The following ST3GAL3 variants were observed in gnomAD, a reference collection of about 807,000 sequenced individuals.
ST3GAL3 encodes CMP-N-acetylneuraminate-beta-1,4-galactoside alpha-2,3-sialyltransferase.
Under a neutral mutation model 50.1 loss-of-function variants are expected in ST3GAL3, and 21 were observed. The ratio of observed to expected loss-of-function variants is 0.42; its 90% CI spans 0.30 to 0.60. ST3GAL3 has a LOEUF of 0.60. ST3GAL3 is among the 20% of genes least tolerant of loss of function. The pLI is 0.19. For synonymous variants in ST3GAL3, 183 were observed against 190.0 expected (o/e 0.96, Z 0.30); for missense variants, 353 against 489.4 (o/e 0.72, Z 2.63).
chr1:43,884,780 C>G (rs995691200), intron 5 of ST3GAL3, among the ~76,000 whole-genome samples: 1 of 152,176 alleles, frequency 6.6e-6, no homozygotes, highest in African/African-American at 2.4e-5. Flanking sequence ...GGAGAAGTGG[C>G]TAAAAGGCTG....
At chr1:43,884,479 G>A (rs995721484) in intron 5 of ST3GAL3, among the ~76,000 whole-genome samples, 3 of 152,144 alleles carry the variant, frequency 2.0e-5, no homozygotes, top group Non-Finnish European at 4.4e-5. Context: ...TCCTGTGCAT[G>A]GCCCTTTATG....
intron 4 of ST3GAL3, among the ~76,000 whole-genome samples, chr1:43,838,005 C>T (rs1352040337): frequency 6.8e-6 from 1 of 147,596 alleles, no homozygotes; most frequent in Admixed American, 6.8e-5. Flanking sequence ...ATCCCAGCCA[C>T]TCGGGAGGCT....
intron 1 of ST3GAL3, among the ~76,000 whole-genome samples, chr1:43,730,754 G>A (rs2154083645): frequency 6.6e-6 from 1 of 150,576 alleles, no homozygotes; most frequent in South Asian, 2.1e-4. Context: ...ATTTTTTTCT[G>A]GAGACAGGAT....
At chr1:43,844,039 G>A (rs937491940) in intron 5 of ST3GAL3, among the ~76,000 whole-genome samples, 1 of 152,200 alleles carries the variant, frequency 6.6e-6, no homozygotes, top group African/African-American at 2.4e-5. Context: ...AGAATTCAGG[G>A]AAACTTATGT....
At chr1:43,845,312 C>T (rs2066062150) in intron 5 of ST3GAL3, among the ~76,000 whole-genome samples, 1 of 151,530 alleles carries the variant, frequency 6.6e-6, no homozygotes, top group South Asian at 2.1e-4. Context: ...ATTATTATTA[C>T]AAATTAAATT....
intron 9 of ST3GAL3, among the ~76,000 whole-genome samples, chr1:43,904,864 CCT>C (rs2078942596): frequency 1.4e-5 from 2 of 139,846 alleles, no homozygotes; most frequent in African/African-American, 2.6e-5. Flanking sequence ...TCTTCCTCCT[CCT>C]CCTCCTGCTC....
At chr1:43,801,708 C>T (rs949279281) in intron 3 of ST3GAL3, 1 of 172,996 alleles carries the variant, frequency 5.8e-6, no homozygotes, top group East Asian at 1.4e-4. Context: ...AATCCCAGCA[C>T]TTTGGGAGGC....
chr1:43,728,453 T>C (rs191611303), intron 1 of ST3GAL3, among the ~76,000 whole-genome samples: 11 of 152,252 alleles, frequency 7.2e-5, no homozygotes, highest in African/African-American at 2.6e-4. Flanking sequence ...TAAAGAGTTA[T>C]ATGTTGGGGG....
At chr1:43,858,526 C>T (rs2069076253) in intron 5 of ST3GAL3, among the ~76,000 whole-genome samples, 1 of 152,200 alleles carries the variant, frequency 6.6e-6, no homozygotes, top group Non-Finnish European at 1.5e-5. Context: ...AAGATCCCCA[C>T]GTGGGGAGTT....
intron 5 of ST3GAL3, among the ~76,000 whole-genome samples, chr1:43,877,504 A>G (rs2074330763): frequency 6.6e-6 from 1 of 152,036 alleles, no homozygotes; most frequent in African/African-American, 2.4e-5. Context: ...GAAAAGACAG[A>G]TGGAATAGGT....
intron 11 of ST3GAL3, among the ~76,000 whole-genome samples, chr1:43,925,898 G>A (rs2083836851): frequency 6.6e-6 from 1 of 152,216 alleles, no homozygotes; most frequent in African/African-American, 2.4e-5. Flanking sequence ...GTCGGATGTA[G>A]CTGTTAGGAG....
At chr1:43,760,791 G>A (rs775329150) in intron 2 of ST3GAL3, among the ~76,000 whole-genome samples, 3 of 151,964 alleles carry the variant, frequency 2.0e-5, no homozygotes, top group Non-Finnish European at 2.9e-5. Flanking sequence ...ATTATTTCTT[G>A]TAGCCAAAAA....
intron 11 of ST3GAL3, among the ~76,000 whole-genome samples, chr1:43,927,669 T>C (rs889350476): frequency 1.3e-5 from 2 of 152,216 alleles, no homozygotes; most frequent in African/African-American, 4.8e-5. Context: ...AGGCACCTAC[T>C]CTGTGCCTAA....
rs182604693 is a variant in ST3GAL3, at chr1:43,834,569, C to T, written c.210-3650C>T. ...TCTCTGCGTCCTTCCTAAGACACTT[C>T]GTTGACCACAGCCTCACACTCTCCT... On this transcript the variant is annotated intron_variant, in intron 4 of 11. Transcript: ENST00000347631. Among the ~76,000 whole-genome samples, 5 of 152,150 alleles carry T rather than the reference C, an allele frequency of 3.3e-5. 1 individual carries two copies. The highest frequency in any genetic ancestry group is 6.5e-5 in the Admixed American group (1 of 15,272).
At chr1:43,806,929 G>T (rs181589257) in intron 3 of ST3GAL3, among the ~76,000 whole-genome samples, 1 of 152,216 alleles carries the variant, frequency 6.6e-6, no homozygotes, top group Admixed American at 6.5e-5. Context: ...GGGTTCAAGC[G>T]ATCTGCCTGC....
intron 1 of ST3GAL3, among the ~76,000 whole-genome samples, chr1:43,723,971 A>G (rs1472753024): frequency 6.6e-6 from 1 of 152,210 alleles, no homozygotes; most frequent in East Asian, 1.9e-4. Context: ...GTGGTAAACG[A>G]AGTCACAGAA....
At chr1:43,832,633 G>A (rs774249541) in intron 4 of ST3GAL3, among the ~76,000 whole-genome samples, 1 of 152,128 alleles carries the variant, frequency 6.6e-6, no homozygotes, top group Non-Finnish European at 1.5e-5. Flanking sequence ...AGTCAGAGGA[G>A]ACAGAAGTTG....
Position 43,740,085 on chromosome 1 carries a change from C to T in ST3GAL3, c.118+3705C>T, listed in dbSNP as rs188983404. ...GAAGATAAAAGACTTATTTCTTGGCCGGACACAGTGGCTCACACCTGTAAT... is the reference window on the plus strand; with the variant it reads ...GAAGATAAAAGACTTATTTCTTGGCTGGACACAGTGGCTCACACCTGTAAT... On this transcript the variant is annotated intron_variant, in intron 2 of 11. Coordinates refer to ENST00000347631, the MANE Select transcript of ST3GAL3 (RefSeq NM_006279.5). 3.5e-4 allele frequency among the ~76,000 whole-genome samples: 53 copies of T among 152,114 alleles called. No individual in the cohort carries two copies. In the East Asian group the frequency reaches 8.1e-3, roughly 23 times the overall value.
intron 3 of ST3GAL3, among the ~76,000 whole-genome samples, chr1:43,803,797 C>T (rs2059583655): frequency 6.6e-6 from 1 of 152,202 alleles, no homozygotes; most frequent in Non-Finnish European, 1.5e-5. Context: ...TTTGTGCATT[C>T]ACAGCTCTGA....
Sources: gnomAD v4.1 joint callset for allele counts (sites outside exome capture counted in the v4.1 genomes callset) on GRCh38, gnomAD v4.1.1 for gene constraint, MANE v1.5 for transcripts, NCBI Gene and HGNC (gene_info 2026-07-23, HGNC 2026-07-21) for gene names.